Variants in RAP1GAP2 observed in about 807,000 individuals in gnomAD.
RAP1GAP2 encodes the protein rap1 GTPase-activating protein 2.
In RAP1GAP2, 27 loss-of-function variants were observed where a neutral mutation model predicts 95.0. The observed-to-expected ratio is 0.28, with a 90% confidence interval of 0.21 to 0.39. The LOEUF is 0.39. Ranked by LOEUF, RAP1GAP2 falls within the 10% of genes least tolerant of loss-of-function variation. The pLI is 1.00. For synonymous variants in RAP1GAP2, 373 were observed against 380.9 expected (o/e 0.98, Z 0.24); for missense variants, 771 against 970.0 (o/e 0.79, Z 2.72).
rs1165547107 is a variant in RAP1GAP2, at chr17:2,985,016, GA to G, written c.765del (p.Val256SerfsTer57). ...AATGATTGTGTCCTATGATGAGCATGAAGTCAACAACACATTCAAATTCGGA... is the reference window on the plus strand; with the variant it reads ...AATGATTGTGTCCTATGATGAGCATGAGTCAACAACACATTCAAATTCGGA... Reference protein sequence around the residue: ...SQMIVSYDEHEVNNTFKFGVI... With the variant: ...SQMIVSYDEHXVNNTFKFGVI... On this transcript the variant is annotated frameshift_variant, in exon 11 of 25. Coordinates refer to ENST00000254695, the MANE Select transcript of RAP1GAP2 (RefSeq NM_015085.5). LOFTEE classifies it high-confidence loss of function. 1 of 1,613,702 alleles carries G rather than the reference GA, an allele frequency of 6.2e-7. No homozygotes were observed. The highest frequency in any genetic ancestry group is 1.3e-5 in the African/African-American group (1 of 74,948).
In RAP1GAP2 at chr17:2,965,739, A is replaced by G; in HGVS notation, c.596+96A>G. On this transcript the variant is annotated intron_variant, in intron 8 of 24. Coordinates refer to ENST00000254695, the MANE Select transcript of RAP1GAP2 (RefSeq NM_015085.5). This position sits in a 1 kb window ranked among gnomAD's most constrained non-coding sequence, Gnocchi z 4.7. ...GATGGGACTCAGAAATACCAGACTGACCAGTCTGGTCTGGGTGCACTGGCT... is the reference window on the plus strand; with the variant it reads ...GATGGGACTCAGAAATACCAGACTGGCCAGTCTGGTCTGGGTGCACTGGCT... 1.1e-5 allele frequency: 10 copies of G among 916,236 alleles called. No individual in the cohort carries two copies. Among genetic ancestry groups the G allele is most frequent in the African/African-American group, 1.6e-5 (1 of 61,188 alleles). 56.8% of individuals were successfully genotyped at this position (916,236 alleles called of 1,614,324 possible). A position where few individuals can be genotyped will look rare whatever the true frequency, so the allele number is the denominator to read the frequency against.
At chr17:2,776,133 C>A (rs1445544552), upstream of RAP1GAP2, among the ~76,000 whole-genome samples, 2 of 152,084 alleles carry the variant, frequency 1.3e-5, no homozygotes, top group African/African-American at 4.8e-5. Context: ...GAGCCGAGAT[C>A]GCGCCACTGC....
rs1173455253 is a variant in RAP1GAP2, at chr17:2,998,276, A to G, written c.1100A>G (p.Glu367Gly). 6 of 1,613,934 alleles carry G rather than the reference A, an allele frequency of 3.7e-6. No individual in the cohort carries two copies. Among genetic ancestry groups the G allele is most frequent in the Middle Eastern group, 1.6e-4 (1 of 6,084 alleles). The change falls in exon 14 of 25, where the codon GAA becomes GGA. Residue 367 changes from glutamate (E) to glycine (G), a missense_variant. Physicochemically the swap from Glu to Gly is moderately conservative, Grantham distance 98. Coordinates refer to ENST00000254695, the MANE Select transcript of RAP1GAP2 (RefSeq NM_015085.5). Reference sequence around the variant, plus strand: ...ATCGTGGCCATCATCTTCCAAGAGGAAAACACGCCGTTTGTCCCAGACATG... The same window carrying G: ...ATCGTGGCCATCATCTTCCAAGAGGGAAACACGCCGTTTGTCCCAGACATG... ...NDIVAIIFQEENTPFVPDMIA... is the reference protein window; with the variant it reads ...NDIVAIIFQEGNTPFVPDMIA...
chr17:2,812,808 A>C (rs550135048), intron 2 of RAP1GAP2, among the ~76,000 whole-genome samples: 9 of 151,646 alleles, frequency 5.9e-5, no homozygotes, highest in Non-Finnish European at 1.2e-4. Flanking sequence ...TGACCAATAT[A>C]ATGAAACCCT....
chr17:3,017,929 G>GTT, intron 17 of RAP1GAP2, 132 bp from the exon 18 acceptor site: 1 of 778,490 alleles, frequency 1.3e-6, no homozygotes, highest in Non-Finnish European at 2.0e-6. Flanking sequence ...GTGTGTGTGT[G>GTT]TGTGTGTGTG....
intron 2 of RAP1GAP2, among the ~76,000 whole-genome samples, chr17:2,848,090 AG>A (rs1485144722): frequency 6.6e-6 from 1 of 152,164 alleles, no homozygotes; most frequent in Non-Finnish European, 1.5e-5. Context: ...GGAAGTCGGC[AG>A]GGTTCTGATT....
chr17:2,999,300 C>G (rs1446467584), intron 14 of RAP1GAP2, among the ~76,000 whole-genome samples: 1 of 152,192 alleles, frequency 6.6e-6, no homozygotes, highest in Admixed American at 6.5e-5. Context: ...GCATGGGACT[C>G]AAGGGCGTTG....
chr17:2,756,481 G>C (rs1042890695), intron 1 of RAP1GAP2, among the ~76,000 whole-genome samples: 1 of 152,198 alleles, frequency 6.6e-6, no homozygotes, highest in Admixed American at 6.5e-5. Context: ...ACGTCCCAGG[G>C]TTCCAGGTGT....
At chr17:3,023,611 C>T (rs11078426) in intron 19 of RAP1GAP2, among the ~76,000 whole-genome samples, 141,215 of 152,244 alleles carry the variant, frequency 0.93, 65,584 homozygotes, top group Non-Finnish European at 0.95. Flanking sequence ...GTCAGAGTTA[C>T]AGGTTTTTAA....
Position 2,904,479 on chromosome 17 carries a change from G to A in RAP1GAP2, c.81-805G>A, listed in dbSNP as rs570315515. 2.0e-5 allele frequency among the ~76,000 whole-genome samples: 3 copies of A among 151,948 alleles called. No individual in the cohort carries two copies. The highest frequency in any genetic ancestry group is 2.1e-4 in the South Asian group (1 of 4,818). ...ATGGACTAAGTTAAGTTTTACCTGC[G>A]GTTGCACGGCAGGCAGCCCTGTCTC... On this transcript the variant is annotated intron_variant, in intron 2 of 24. Coordinates refer to ENST00000254695, the MANE Select transcript of RAP1GAP2 (RefSeq NM_015085.5). This position sits in a 1 kb window ranked among gnomAD's most constrained non-coding sequence, Gnocchi z 4.7.
intron 1 of RAP1GAP2, among the ~76,000 whole-genome samples, chr17:2,757,183 A>G (rs942704608): frequency 1.3e-5 from 2 of 152,140 alleles, no homozygotes; most frequent in Non-Finnish European, 2.9e-5. Flanking sequence ...CAGTGGTGCA[A>G]TCTCGGCTCA....
intron 1 of RAP1GAP2, among the ~76,000 whole-genome samples, chr17:2,761,122 T>G (rs2071238966): frequency 6.7e-6 from 1 of 150,026 alleles, no homozygotes; most frequent in Admixed American, 6.7e-5. Context: ...GCCTAATTAA[T>G]TTTTGTATGT....
At chr17:2,831,966 G>A (rs1039541020) in intron 2 of RAP1GAP2, among the ~76,000 whole-genome samples, 10 of 151,958 alleles carry the variant, frequency 6.6e-5, no homozygotes, top group Non-Finnish European at 1.3e-4. Flanking sequence ...AGCACTTTGG[G>A]AGGCTGAGGC....
intron 4 of RAP1GAP2, among the ~76,000 whole-genome samples, chr17:2,958,240 G>A (rs1402470641): frequency 1.3e-5 from 2 of 152,150 alleles, no homozygotes; most frequent in Non-Finnish European, 2.9e-5. Context: ...CCTTTCCTGT[G>A]CTAAGCCTCC....
At chr17:2,873,598 C>A (rs1172547381) in intron 2 of RAP1GAP2, among the ~76,000 whole-genome samples, 1 of 149,106 alleles carries the variant, frequency 6.7e-6, no homozygotes, top group Non-Finnish European at 1.5e-5. Flanking sequence ...ACAAAATAGG[C>A]CTTCTAATAA....
chr17:2,811,640 C>T (rs1031949572), intron 2 of RAP1GAP2, among the ~76,000 whole-genome samples: 1 of 152,180 alleles, frequency 6.6e-6, no homozygotes, highest in Non-Finnish European at 1.5e-5. Context: ...TGCAATGGCA[C>T]GATCTTGGTG....
intron 3 of RAP1GAP2, among the ~76,000 whole-genome samples, chr17:2,934,401 G>A (rs1003378742): frequency 6.6e-6 from 1 of 152,164 alleles, no homozygotes; most frequent in Non-Finnish European, 1.5e-5. Flanking sequence ...CAAAGTGCTG[G>A]GATTACAGGC....
chr17:2,962,526 C>G, intron 4 of RAP1GAP2, 144 bp from the exon 5 acceptor site: 26 of 806,856 alleles, frequency 3.2e-5, no homozygotes, highest in Non-Finnish European at 5.0e-5. Context: ...CGCCCCTGGC[C>G]AGGTGTGATG....
intron 2 of RAP1GAP2, among the ~76,000 whole-genome samples, chr17:2,837,925 G>A (rs1197709493): frequency 6.6e-6 from 1 of 151,232 alleles, no homozygotes; most frequent in Non-Finnish European, 1.5e-5. Context: ...CTTCTTAGTG[G>A]CTGTGTGATC....
Sources: allele counts gnomAD v4.1 joint callset (sites outside exome capture counted in the v4.1 genomes callset), GRCh38; gene constraint gnomAD v4.1.1; non-coding constraint Gnocchi (gnomAD v3.1); transcripts MANE v1.5; gene names NCBI Gene and HGNC (gene_info 2026-07-23, HGNC 2026-07-21).